Variants in RABGAP1L observed in about 807,000 individuals in gnomAD.
RABGAP1L encodes the protein rab GTPase-activating protein 1-like.
Under a neutral mutation model 137.7 loss-of-function variants are expected in RABGAP1L, and 63 were observed. That is an observed-to-expected ratio of 0.46 (90% CI 0.37 to 0.56). RABGAP1L has a LOEUF of 0.56. Ranked by LOEUF, RABGAP1L falls within the 20% of genes least tolerant of loss-of-function variation. The pLI, the probability that RABGAP1L is intolerant of heterozygous loss-of-function variation, is 0.00. For missense variants in RABGAP1L, 1,095 were observed against 1,244.0 expected (o/e 0.88, Z 1.80); for synonymous variants, 431 against 433.7 (o/e 0.99, Z 0.08).
intron 13 of RABGAP1L, among the ~76,000 whole-genome samples, chr1:174,469,923 G>A (rs139413051): frequency 8.9e-4 from 136 of 152,136 alleles, no homozygotes; most frequent in African/African-American, 2.9e-3. Flanking sequence ...TGGGGAACTA[G>A]GCACTGTAGA....
At position 174,822,691 on chromosome 1, in the gene RABGAP1L, C is replaced by G. The variant is rs1421024856; in HGVS notation, c.2340+10731C>G. ...TTCACGCTCCTATGAAAATCTAATG[C>G]TACTGCTGATCAGACAGGAGGCAGA... On this transcript the variant is annotated intron_variant, in intron 19 of 25. Transcript: ENST00000681986. Among the ~76,000 whole-genome samples the G allele has an allele frequency of 3.3e-5, 5 of 152,314 alleles. No individual in the cohort carries two copies. The East Asian group carries it at 9.7e-4, about 29-fold the overall frequency.
intron 13 of RABGAP1L, among the ~76,000 whole-genome samples, chr1:174,509,789 C>T (rs1572106807): frequency 1.3e-5 from 2 of 152,114 alleles, no homozygotes; most frequent in East Asian, 1.9e-4. Context: ...TCTAATCATC[C>T]CACCTCCTCT....
intron 17 of RABGAP1L, chr1:174,705,212 T>C (rs967949869): frequency 6.4e-5 from 9 of 141,358 alleles, no homozygotes; most frequent in Non-Finnish European, 1.4e-4. Flanking sequence ...GTGGTATCTC[T>C]GCCCTTCAGT....
At chr1:174,689,949 T>G (rs984215115) in intron 15 of RABGAP1L, among the ~76,000 whole-genome samples, 1 of 152,214 alleles carries the variant, frequency 6.6e-6, no homozygotes, top group Non-Finnish European at 1.5e-5. Flanking sequence ...ATTTAAAAAG[T>G]AAGTCCTATA....
chr1:174,971,553 T>A (rs958411406), intron 21 of RABGAP1L, among the ~76,000 whole-genome samples: 4 of 152,200 alleles, frequency 2.6e-5, no homozygotes, highest in Non-Finnish European at 5.9e-5. Context: ...ACCTGGACCC[T>A]CCCTTTGGGA....
At chr1:174,645,386 C>T (rs1358843351) in intron 14 of RABGAP1L, among the ~76,000 whole-genome samples, 1 of 150,792 alleles carries the variant, frequency 6.6e-6, no homozygotes, top group African/African-American at 2.4e-5. Context: ...TATCCCTCCC[C>T]TAGCCCCCCA....
At chr1:174,836,704 C>A (rs1692790399) in intron 19 of RABGAP1L, among the ~76,000 whole-genome samples, 1 of 152,180 alleles carries the variant, frequency 6.6e-6, no homozygotes, top group Admixed American at 6.5e-5. Flanking sequence ...CATACTCTGA[C>A]ATTGTTCTCT....
At chr1:174,172,210 GTGTGTGTA>G (rs1209968387) in intron 1 of RABGAP1L, among the ~76,000 whole-genome samples, 58 of 116,964 alleles carry the variant, frequency 5.0e-4, no homozygotes, top group Non-Finnish European at 5.9e-4. Flanking sequence ...GTGTGTGTGT[GTGTGTGTA>G]TATATGCCAC....
intron 13 of RABGAP1L, among the ~76,000 whole-genome samples, chr1:174,544,205 C>T (rs1665773125): frequency 6.6e-6 from 1 of 152,118 alleles, no homozygotes; most frequent in African/African-American, 2.4e-5. Flanking sequence ...AACTTGGTTC[C>T]ATTCTCCTTG....
chr1:174,544,442 T>G (rs1273219561), intron 13 of RABGAP1L, among the ~76,000 whole-genome samples: 1 of 152,204 alleles, frequency 6.6e-6, no homozygotes, highest in Non-Finnish European at 1.5e-5. Context: ...GGTTTTCAGC[T>G]CCATCAGGTC....
intron 18 of RABGAP1L, among the ~76,000 whole-genome samples, chr1:174,778,447 T>C (rs531721459): frequency 1.1e-4 from 17 of 152,244 alleles, no homozygotes; most frequent in Admixed American, 3.9e-4. Context: ...ATCTGCTCTA[T>C]GCAAAAGAAT....
chr1:174,782,718 C>T (rs1170902622), intron 18 of RABGAP1L, among the ~76,000 whole-genome samples: 10 of 152,086 alleles, frequency 6.6e-5, no homozygotes, highest in Non-Finnish European at 8.8e-5. Context: ...TTTCCTAGGC[C>T]GACTAAGAAT....
At chr1:174,752,449 G>C in intron 18 of RABGAP1L, 95 bp downstream of exon 18, 1 of 901,814 alleles carries the variant, frequency 1.1e-6, no homozygotes, top group Non-Finnish European at 1.7e-6. Context: ...ACTCATTTCA[G>C]TTTCTCAGAC....
intron 18 of RABGAP1L, among the ~76,000 whole-genome samples, chr1:174,796,660 A>T (rs1688260689): frequency 6.6e-6 from 1 of 152,204 alleles, no homozygotes; most frequent in South Asian, 2.1e-4. Context: ...CCTTGTACAC[A>T]GCATTTTGTT....
intron 13 of RABGAP1L, among the ~76,000 whole-genome samples, chr1:174,613,905 G>T (rs962187606): frequency 1.3e-5 from 2 of 151,934 alleles, no homozygotes; most frequent in African/African-American, 4.8e-5. Flanking sequence ...TTTTCCATTT[G>T]CTTGGTAGAT....
At chr1:174,846,744 C>T (rs1490612147) in intron 19 of RABGAP1L, among the ~76,000 whole-genome samples, 75 of 81,254 alleles carry the variant, frequency 9.2e-4, no homozygotes, top group East Asian at 2.6e-3. Context: ...CTGTTAGGTC[C>T]GCTTGGTGCA....
rs182911560 is a variant in RABGAP1L, at chr1:174,664,713, T to C, written c.1825-18809T>C. Among the ~76,000 whole-genome samples, 151 of 140,998 alleles carry C rather than the reference T, an allele frequency of 1.1e-3. 1 individual carries two copies. Among genetic ancestry groups the C allele is most frequent in the African/African-American group, 3.7e-3 (141 of 38,298 alleles). 92.5% of individuals were successfully genotyped at this position (140,998 alleles called of 152,430 possible). A position where few individuals can be genotyped will look rare whatever the true frequency, so the allele number is the denominator to read the frequency against. ...TATGGTTCTTTCTCTCTCTCTCTCT[T>C]TCTTTCTTTCTTTCTGCTTTCTTTT... On this transcript the variant is annotated intron_variant, in intron 14 of 25. Transcript: ENST00000681986.
chr1:174,487,863 A>G (rs1461220198), intron 13 of RABGAP1L, among the ~76,000 whole-genome samples: 3 of 152,204 alleles, frequency 2.0e-5, no homozygotes, highest in African/African-American at 4.8e-5. Flanking sequence ...AGCTATAACA[A>G]CTTCACACTG....
intron 1 of RABGAP1L, among the ~76,000 whole-genome samples, chr1:174,189,098 T>G (rs1255012499): frequency 6.6e-6 from 1 of 152,114 alleles, no homozygotes; most frequent in African/African-American, 2.4e-5. Context: ...CTCCGCCTCC[T>G]GGGTTCACGC....
Sources: allele counts gnomAD v4.1 joint callset (sites outside exome capture counted in the v4.1 genomes callset), GRCh38; gene constraint gnomAD v4.1.1; transcripts MANE v1.5; gene names NCBI Gene and HGNC (gene_info 2026-07-23, HGNC 2026-07-21).